ACSF3: variants seen among roughly 807,000 people sequenced by gnomAD.
ACSF3 encodes the protein malonate--CoA ligase ACSF3, mitochondrial.
In ACSF3, 78 loss-of-function variants were observed where a neutral mutation model predicts 53.2. The observed-to-expected ratio is 1.47, with a 90% CI of 1.22 to 1.77. The LOEUF is 1.77. Among genes scored for constraint, ACSF3 ranks in the 40% most tolerant of loss-of-function variants. The pLI is 0.00. For synonymous variants in ACSF3, 414 were observed against 333.1 expected (o/e 1.24, Z -2.65); for missense variants, 937 against 771.1 (o/e 1.22, Z -2.55).
At position 89,155,619 on chromosome 16, in the gene ACSF3, C is replaced by T. The variant is rs1388224656; in HGVS notation, c.*1412C>T. The stretch of plus-strand genomic sequence containing the variant: ...GTCAGAGGAAGGGGTCCCGCCCTCC[C>T]GCCAGAGGCCTGGACCCAAGGGAAC... On this transcript the variant is annotated 3_prime_UTR_variant, in exon 11 of 11. Transcript: ENST00000614302. The T allele has an allele frequency of 6.6e-6, 3 of 453,996 alleles. No individual in the cohort carries two copies. The highest frequency in any genetic ancestry group is 2.3e-5 in the Admixed American group (1 of 42,578). 28.1% of individuals were successfully genotyped at this position (453,996 alleles called of 1,614,324 possible).
At chr16:89,113,605 G>A (rs966605014) in intron 5 of ACSF3, 2 of 154,666 alleles carry the variant, frequency 1.3e-5, no homozygotes, top group African/African-American at 4.8e-5. Context: ...CCCAGCGGGG[G>A]TCCTGTCAGT....
chr16:89,099,309 C>T lies in ACSF3; in HGVS notation c.-21+546C>T, dbSNP rs569188846. Among the ~76,000 whole-genome samples, 186 of 152,362 alleles carry T rather than the reference C, an allele frequency of 1.2e-3. 2 individuals are homozygous for T. The highest frequency in any genetic ancestry group is 3.9e-3 in the African/African-American group (164 of 41,596). On this transcript the variant is annotated intron_variant, in intron 2 of 10. Coordinates refer to ENST00000614302, the MANE Select transcript of ACSF3 (RefSeq NM_001243279.3). Reference sequence around the variant, plus strand: ...AGGCGGAGGCACCCTGGCTTCTTCTCGGTCTCCTTTCTCTGAATGAAGAAT... The same window carrying T: ...AGGCGGAGGCACCCTGGCTTCTTCTTGGTCTCCTTTCTCTGAATGAAGAAT...
chr16:89,100,865 C>A lies in ACSF3; in HGVS notation c.184C>A (p.Gln62Lys). ...TGGGGACAGAATCGCCCTGGTTGACCAGCACGGCCGCCACACGTACAGGGA... is the reference window on the plus strand; with the variant it reads ...TGGGGACAGAATCGCCCTGGTTGACAAGCACGGCCGCCACACGTACAGGGA... Reference protein sequence around the residue: ...AFGDRIALVDQHGRHTYRELY... With the variant: ...AFGDRIALVDKHGRHTYRELY... The change falls in exon 3 of 11, where the codon CAG becomes AAG. Residue 62 changes from glutamine to lysine, a missense_variant. Physicochemically the swap from Gln to Lys is moderately conservative, Grantham distance 53. Transcript: ENST00000614302. 6.2e-7 allele frequency: 1 copy of A among 1,613,632 alleles called. No homozygotes were observed. Among genetic ancestry groups the A allele is most frequent in the Non-Finnish European group, 8.5e-7 (1 of 1,180,030 alleles).
At chr16:89,133,879 G>T (rs1909855232) in intron 8 of ACSF3, among the ~76,000 whole-genome samples, 1 of 152,236 alleles carries the variant, frequency 6.6e-6, no homozygotes, top group South Asian at 2.1e-4. Context: ...GCCTGTGGCG[G>T]TCAGGAGAGA....
At chr16:89,128,189 G>A (rs888016474) in intron 7 of ACSF3, among the ~76,000 whole-genome samples, 1 of 151,222 alleles carries the variant, frequency 6.6e-6, no homozygotes, top group East Asian at 1.9e-4. Flanking sequence ...ATTTAATGAC[G>A]TACGTTGCCC....
intron 7 of ACSF3, among the ~76,000 whole-genome samples, chr16:89,128,796 G>A (rs954937742): frequency 6.6e-6 from 1 of 152,116 alleles, no homozygotes; most frequent in African/African-American, 2.4e-5. Context: ...GGCCCAGAAT[G>A]TGGTTTCTTT....
chr16:89,118,737 C>T (rs549585450), intron 6 of ACSF3, among the ~76,000 whole-genome samples: 1 of 152,340 alleles, frequency 6.6e-6, no homozygotes, highest in South Asian at 2.1e-4. Flanking sequence ...CACTCTGTGG[C>T]ATTGACAGGG....
At chr16:89,120,610 G>A (rs1214971586) in intron 6 of ACSF3, among the ~76,000 whole-genome samples, 191 bp from the exon 7 acceptor site, 2 of 152,248 alleles carry the variant, frequency 1.3e-5, no homozygotes, top group Non-Finnish European at 2.9e-5. Flanking sequence ...TGCCAGCCAC[G>A]TATCGTGTGG....
rs748128555 is a variant in ACSF3, at chr16:89,100,998, C to G, written c.317C>G (p.Ala106Gly). The G allele has an allele frequency of 1.5e-5, 24 of 1,613,336 alleles. No homozygotes were observed. The African/African-American group carries it at 3.2e-4, about 22-fold the overall frequency. The stretch of plus-strand genomic sequence containing the variant: ...GTCTCCTTCCTATGCGCTAACGATG[C>G]CTCCTACGTCGTGGCCCAGTGGGCG... ...ERVSFLCAND[A>G]SYVVAQWASW... The change falls in exon 3 of 11, where the codon GCC (alanine) becomes GGC (glycine). Residue 106 changes from alanine (A) to glycine (G), a missense_variant. By Grantham distance (60) the Ala-to-Gly change is moderately conservative. Coordinates refer to ENST00000614302, the MANE Select transcript of ACSF3 (RefSeq NM_001243279.3).
At chr16:89,127,235 A>C (rs1376610746) in intron 7 of ACSF3, among the ~76,000 whole-genome samples, 2 of 151,972 alleles carry the variant, frequency 1.3e-5, no homozygotes, top group African/African-American at 4.8e-5. Context: ...TCATTAAATG[A>C]GTTGGGAAGT....
chr16:89,097,676 G>T (rs1197072588), intron 1 of ACSF3, among the ~76,000 whole-genome samples: 1 of 152,206 alleles, frequency 6.6e-6, no homozygotes, highest in East Asian at 1.9e-4. Flanking sequence ...GTCTGGTGAA[G>T]CCCAGTTGTT....
At chr16:89,119,993 C>T (rs1906224224) in intron 6 of ACSF3, among the ~76,000 whole-genome samples, 1 of 152,242 alleles carries the variant, frequency 6.6e-6, no homozygotes, top group Admixed American at 6.5e-5. Context: ...CAGGAAGTCC[C>T]ACGTCTGCTC....
intron 8 of ACSF3, among the ~76,000 whole-genome samples, chr16:89,144,892 T>A (rs1414385875): frequency 1.3e-5 from 2 of 152,228 alleles, no homozygotes; most frequent in Admixed American, 1.3e-4. Context: ...GGCTTCCTAA[T>A]GCAGGGTGTC....
At chr16:89,098,884 G>A (rs1406924503) in intron 2 of ACSF3, 121 bp downstream of exon 2, 5 of 417,116 alleles carry the variant, frequency 1.2e-5, no homozygotes, top group Admixed American at 2.6e-5. Flanking sequence ...TAATATGTGT[G>A]TATTAGACGG....
At chr16:89,118,376 C>G (rs1014179573) in intron 6 of ACSF3, among the ~76,000 whole-genome samples, 6 of 150,150 alleles carry the variant, frequency 4.0e-5, no homozygotes, top group Non-Finnish European at 7.4e-5. Context: ...CAATATGCCC[C>G]ACAAAAACTC....
At chr16:89,106,717 G>A (rs774446434) in intron 4 of ACSF3, among the ~76,000 whole-genome samples, 2 of 152,244 alleles carry the variant, frequency 1.3e-5, no homozygotes, top group Non-Finnish European at 2.9e-5. Context: ...AGCTGTCAGC[G>A]TTATTGAACT....
At chr16:89,114,826 A>G (rs936532515) in intron 6 of ACSF3, 2 of 386,120 alleles carry the variant, frequency 5.2e-6, no homozygotes, top group African/African-American at 2.1e-5. Flanking sequence ...TGTTGGCTCC[A>G]GACCACATCA....
At chr16:89,130,534 A>G (rs991992001) in intron 7 of ACSF3, among the ~76,000 whole-genome samples, 2 of 152,178 alleles carry the variant, frequency 1.3e-5, no homozygotes, top group African/African-American at 4.8e-5. Flanking sequence ...AGATCATGCC[A>G]TTGCACTCCA....
chr16:89,147,922 T>C (rs2151571904), intron 10 of ACSF3: 1 of 152,300 alleles, frequency 6.6e-6, no homozygotes, highest in Non-Finnish European at 1.5e-5. Flanking sequence ...CCTTTTCACC[T>C]ATGAGCCTGT....
Sources: gnomAD v4.1 joint callset for allele counts (sites outside exome capture counted in the v4.1 genomes callset) on GRCh38, gnomAD v4.1.1 for gene constraint, MANE v1.5 for transcripts, NCBI Gene and HGNC (gene_info 2026-07-23, HGNC 2026-07-21) for gene names.